Variants in AFAP1 observed in about 807,000 individuals in gnomAD.
AFAP1 encodes the protein actin filament-associated protein 1.
In AFAP1, 75 loss-of-function variants were observed where a neutral mutation model predicts 93.9. The ratio of observed to expected loss-of-function variants is 0.80; its 90% CI spans 0.66 to 0.97. The LOEUF is 0.97. AFAP1 is among the 50% of genes least tolerant of loss of function. AFAP1 has a pLI of 0.00. For synonymous variants in AFAP1, 517 were observed against 430.7 expected (o/e 1.20, Z -2.48); for missense variants, 1,201 against 1,050.8 (o/e 1.14, Z -1.98).
At chr4:7,849,807 T>C (rs922728373) in intron 4 of AFAP1, among the ~76,000 whole-genome samples, 1 of 152,214 alleles carries the variant, frequency 6.6e-6, no homozygotes, top group African/African-American at 2.4e-5. Context: ...AACACTTTTC[T>C]ACTTGCGATT....
chr4:7,809,750 T>G lies in AFAP1; in HGVS notation c.918A>C (p.Lys306Asn). 1 of 1,613,634 alleles carries G rather than the reference T, an allele frequency of 6.2e-7. No homozygotes were observed. The highest frequency in any genetic ancestry group is 1.1e-5 in the South Asian group (1 of 90,844). Residue 306 changes from lysine to asparagine, a missense_variant, in exon 9 of 18, where the codon AAA (lysine) becomes AAC (asparagine). Physicochemically the swap from Lys to Asn is moderately conservative, Grantham distance 94. Transcript: ENST00000420658. ...TGCCCTTGGCCTCTGATTTGGAACT[T>G]TTCTTCCTCTTCACTGTCAAGAGTA... ...CNGKEQVKRK[K>N]SSKSEAKGTV...
intron 8 of AFAP1, among the ~76,000 whole-genome samples, chr4:7,810,544 C>T (rs1719921805): frequency 6.6e-6 from 1 of 152,184 alleles, no homozygotes; most frequent in Admixed American, 6.5e-5. Flanking sequence ...AGCCCCTCGG[C>T]CATCTGTGAG....
chr4:7,773,269 C>G (rs1221115767), intron 15 of AFAP1: 3 of 463,742 alleles, frequency 6.5e-6, no homozygotes, highest in Non-Finnish European at 1.1e-5. Flanking sequence ...GCCAGGAGCT[C>G]CTGGCTCTGG....
intron 1 of AFAP1, among the ~76,000 whole-genome samples, chr4:7,898,086 C>A (rs1718891401): frequency 6.6e-6 from 1 of 152,296 alleles, no homozygotes; most frequent in East Asian, 1.9e-4. Flanking sequence ...CCAGGTCCAG[C>A]CTTCATCATA....
intron 1 of AFAP1, among the ~76,000 whole-genome samples, chr4:7,899,103 T>A (rs1718970168): frequency 6.6e-6 from 1 of 151,850 alleles, no homozygotes; most frequent in African/African-American, 2.4e-5. Context: ...AATACATACC[T>A]AAGCAGAGAA....
intron 1 of AFAP1, among the ~76,000 whole-genome samples, chr4:7,885,812 T>G (rs1264605540): frequency 6.6e-6 from 1 of 152,226 alleles, no homozygotes; most frequent in African/African-American, 2.4e-5. Context: ...GAAAGACTAA[T>G]TCTGATGAAT....
intron 6 of AFAP1, among the ~76,000 whole-genome samples, chr4:7,834,477 C>T (rs1280453576): frequency 2.6e-5 from 4 of 152,174 alleles, no homozygotes; most frequent in African/African-American, 7.2e-5. Context: ...CTCATGTCAC[C>T]AAACACCACC....
At chr4:7,784,450 C>T (rs1475003561) in intron 12 of AFAP1, among the ~76,000 whole-genome samples, 3 of 152,168 alleles carry the variant, frequency 2.0e-5, no homozygotes. Flanking sequence ...CAAAGACAAT[C>T]GCTTCACCAT....
At position 7,932,265 on chromosome 4, in the gene AFAP1, C is replaced by T. The variant is rs569125333; in HGVS notation, c.-3+7391G>A. On this transcript the variant is annotated intron_variant, in intron 1 of 17. Coordinates refer to ENST00000420658, the MANE Select transcript of AFAP1 (RefSeq NM_001134647.2). ...AATCAAAAACACCCACATGATAAAA[C>T]GAGGTCCTGCTTGGTTTTAAACTAC... Among the ~76,000 whole-genome samples, 34 of 152,216 alleles carry T rather than the reference C, an allele frequency of 2.2e-4. 1 individual carries two copies. Among genetic ancestry groups the T allele is most frequent in the South Asian group, 6.2e-4 (3 of 4,818 alleles).
rs1345731412 is a variant in AFAP1 at position 7,759,270 on chromosome 4, A to C, written c.*4495T>G. 3 of 152,656 alleles carry C rather than the reference A, an allele frequency of 2.0e-5. No individual in the cohort carries two copies. Among genetic ancestry groups the C allele is most frequent in the African/African-American group, 7.2e-5 (3 of 41,476 alleles). The allele number at this position is 152,656 out of a possible 1,614,324, so 9.5% of individuals were successfully genotyped here. On this transcript the variant is annotated 3_prime_UTR_variant, in exon 18 of 18. Transcript: ENST00000420658. The stretch of plus-strand genomic sequence containing the variant: ...TTTTGAAAGTATCTTCCATGGCTAC[A>C]CTAAAAAGACCCGGTAACACTTGTG...
intron 6 of AFAP1, among the ~76,000 whole-genome samples, chr4:7,833,333 G>T (rs182727945): frequency 8.5e-5 from 13 of 152,132 alleles, no homozygotes; most frequent in Admixed American, 7.9e-4. Flanking sequence ...ATCAAAAGTG[G>T]GCTAAGGACA....
intron 4 of AFAP1, among the ~76,000 whole-genome samples, chr4:7,852,507 C>T (rs1219026577): frequency 1.3e-5 from 2 of 152,072 alleles, no homozygotes; most frequent in Admixed American, 6.5e-5. Context: ...TGGAAGACCC[C>T]CTGAGTGCCC....
chr4:7,902,078 G>C (rs1430248478), intron 1 of AFAP1, among the ~76,000 whole-genome samples: 1 of 152,148 alleles, frequency 6.6e-6, no homozygotes, highest in African/African-American at 2.4e-5. Context: ...ACTGCGGGTG[G>C]AGCAAATAAC....
intron 1 of AFAP1, among the ~76,000 whole-genome samples, chr4:7,936,565 A>AT (rs1204927839): frequency 6.8e-6 from 1 of 147,660 alleles, no homozygotes; most frequent in Non-Finnish European, 1.5e-5. Flanking sequence ...ATGTGATGCA[A>AT]TTTTTTACAA....
In AFAP1 at chr4:7,875,259, C is replaced by T. The variant is rs114728076; in HGVS notation, c.-2-3179G>A. Among the ~76,000 whole-genome samples the T allele has an allele frequency of 5.9e-3, 897 of 152,290 alleles. 7 individuals carry two copies. Among genetic ancestry groups the T allele is most frequent in the African/African-American group, 0.019 (784 of 41,544 alleles). ...AAAGATCCATACTGAGGCTGCCGTG[C>T]ACCATCAAGGCTCTCATCATTTTAG... is the stretch of plus-strand genomic sequence containing the variant. On this transcript the variant is annotated intron_variant, in intron 1 of 17. Transcript: ENST00000420658.
chr4:7,764,663 C>T (rs1427264809), intron 17 of AFAP1, among the ~76,000 whole-genome samples: 1 of 152,250 alleles, frequency 6.6e-6, no homozygotes, highest in African/African-American at 2.4e-5. Context: ...GCCCTGAGTG[C>T]TGGCTGCAGA....
At chr4:7,771,351 TACAC>T (rs915303212) in intron 16 of AFAP1, among the ~76,000 whole-genome samples, 5 of 151,802 alleles carry the variant, frequency 3.3e-5, no homozygotes, top group African/African-American at 4.8e-5. Context: ...TGTGTGTATG[TACAC>T]ACACACACAC....
chr4:7,776,115 C>T (rs1215025926), intron 14 of AFAP1: 1 of 152,234 alleles, frequency 6.6e-6, no homozygotes, highest in African/African-American at 2.4e-5. Flanking sequence ...GTCTCCCAGT[C>T]GCTTCTAACA....
intron 1 of AFAP1, among the ~76,000 whole-genome samples, chr4:7,873,616 G>A (rs1055590791): frequency 6.6e-6 from 1 of 151,998 alleles, no homozygotes; most frequent in South Asian, 2.1e-4. Flanking sequence ...CCAAAGCACT[G>A]GGATTACAGA....
Sources: gnomAD v4.1 joint callset for allele counts (sites outside exome capture counted in the v4.1 genomes callset) on GRCh38, gnomAD v4.1.1 for gene constraint, MANE v1.5 for transcripts, NCBI Gene and HGNC (gene_info 2026-07-23, HGNC 2026-07-21) for gene names.